Variants in GALNTL6 observed in about 807,000 individuals in gnomAD.
GALNTL6 encodes polypeptide N-acetylgalactosaminyltransferase like 6, also known as polypeptide N-acetylgalactosaminyltransferase-like 6.
GALNTL6 carries 46 observed loss-of-function variants against 73.7 expected under a neutral mutation model. That is an observed-to-expected ratio of 0.62 (90% CI 0.49 to 0.80). The LOEUF (loss-of-function observed/expected upper bound fraction) is 0.80, where lower values mean the gene tolerates loss of function less well. Ranked by LOEUF, GALNTL6 falls within the 30% of genes least tolerant of loss-of-function variation. GALNTL6 has a pLI of 0.00. For synonymous variants in GALNTL6, 259 were observed against 263.7 expected (o/e 0.98, Z 0.17); for missense variants, 604 against 755.0 (o/e 0.80, Z 2.34).
At position 172,734,819 on chromosome 4, in the gene GALNTL6, C is replaced by T. The variant is rs574845272; in HGVS notation, c.554-74542C>T. Among the ~76,000 whole-genome samples the T allele has an allele frequency of 2.5e-4, 38 of 152,288 alleles. 1 individual carries two copies. Among genetic ancestry groups the T allele is most frequent in the African/African-American group, 8.2e-4 (34 of 41,560 alleles). ...AGGACTTGGTGCCCTGCATCCCAGC[C>T]GCTCCAGCCATGGCTAAAACGGGCC... On this transcript the variant is annotated intron_variant, in intron 5 of 12. Transcript: ENST00000506823.
At chr4:172,577,147 C>T (rs1369292452) in intron 5 of GALNTL6, among the ~76,000 whole-genome samples, 1 of 152,136 alleles carries the variant, frequency 6.6e-6, no homozygotes, top group African/African-American at 2.4e-5. Flanking sequence ...AATGCATTCT[C>T]CTGGGTGACC....
chr4:172,407,298 C>T (rs911305964), intron 5 of GALNTL6, among the ~76,000 whole-genome samples: 1 of 151,912 alleles, frequency 6.6e-6, no homozygotes, highest in Non-Finnish European at 1.5e-5. Flanking sequence ...TGGCAGTAGG[C>T]CAATGATTAA....
intron 7 of GALNTL6, among the ~76,000 whole-genome samples, chr4:172,846,283 A>G (rs1380893010): frequency 1.3e-5 from 2 of 152,238 alleles, no homozygotes; most frequent in Non-Finnish European, 2.9e-5. Context: ...TAGGAGGAAC[A>G]TGAACCTTAG....
At chr4:171,963,160 T>C (rs928979935) in intron 2 of GALNTL6, among the ~76,000 whole-genome samples, 6 of 151,850 alleles carry the variant, frequency 4.0e-5, no homozygotes, top group African/African-American at 1.5e-4. Flanking sequence ...TATAGGATCA[T>C]AGTATAGTAA....
At chr4:171,991,146 T>A (rs1336600194) in intron 2 of GALNTL6, among the ~76,000 whole-genome samples, 1 of 152,048 alleles carries the variant, frequency 6.6e-6, no homozygotes, top group Non-Finnish European at 1.5e-5. Flanking sequence ...GATACGTAAT[T>A]AAAAGAAACA....
intron 5 of GALNTL6, among the ~76,000 whole-genome samples, chr4:172,672,685 C>T (rs890646614): frequency 2.0e-5 from 3 of 151,992 alleles, no homozygotes; most frequent in Non-Finnish European, 4.4e-5. Flanking sequence ...TTGTTTATTA[C>T]TGACTCAATT....
intron 5 of GALNTL6, among the ~76,000 whole-genome samples, chr4:172,784,224 T>A (rs979749784): frequency 5.9e-5 from 9 of 152,236 alleles, no homozygotes; most frequent in African/African-American, 1.2e-4. Flanking sequence ...AGATTTTTTT[T>A]AAATTAAAAC....
chr4:172,183,962 T>C (rs1735339385), intron 2 of GALNTL6, among the ~76,000 whole-genome samples: 1 of 151,928 alleles, frequency 6.6e-6, no homozygotes, highest in Admixed American at 6.6e-5. Context: ...CCGGCTAATT[T>C]TTGTATTTTT....
chr4:172,897,097 A>G (rs942880231), intron 8 of GALNTL6, among the ~76,000 whole-genome samples: 3 of 152,248 alleles, frequency 2.0e-5, no homozygotes, highest in African/African-American at 7.2e-5. Flanking sequence ...GTCTCAGCAC[A>G]TACAGGATAG....
chr4:172,328,229 T>C (rs1741009684), intron 4 of GALNTL6, among the ~76,000 whole-genome samples: 1 of 152,178 alleles, frequency 6.6e-6, no homozygotes, highest in Admixed American at 6.5e-5. Flanking sequence ...AATCTCTTCT[T>C]TCTTGTAGAG....
chr4:172,017,792 C>T (rs547954147), intron 2 of GALNTL6, among the ~76,000 whole-genome samples: 2 of 152,070 alleles, frequency 1.3e-5, no homozygotes, highest in African/African-American at 2.4e-5. Flanking sequence ...GATCTAGCCA[C>T]GCATTGGGGC....
At chr4:172,801,946 A>T (rs890589080) in intron 5 of GALNTL6, among the ~76,000 whole-genome samples, 4 of 152,090 alleles carry the variant, frequency 2.6e-5, no homozygotes, top group Non-Finnish European at 5.9e-5. Flanking sequence ...TCCATTTAAT[A>T]AACAGCAAAT....
intron 5 of GALNTL6, among the ~76,000 whole-genome samples, chr4:172,529,866 T>TATTTA (rs1281448781): frequency 5.0e-5 from 5 of 100,072 alleles, no homozygotes; most frequent in African/African-American, 1.5e-4. Context: ...ATTTTTATTT[T>TATTTA]ATTTATTTAT....
rs558507322 is a variant in GALNTL6, at chr4:172,012,848, C to T, written c.138+198130C>T. Among the ~76,000 whole-genome samples the T allele has an allele frequency of 8.0e-4, 122 of 151,930 alleles. 5 individuals carry two copies. The highest frequency in any genetic ancestry group is 1.3e-4 in the Admixed American group (2 of 15,220). On this transcript the variant is annotated intron_variant, in intron 2 of 12. Coordinates refer to ENST00000506823, the MANE Select transcript of GALNTL6 (RefSeq NM_001034845.3). ...ATCCACAAATTTTAAGTGTACAATG[C>T]GATAGTTTTGACAGTTGCATTCATT...
chr4:172,348,659 A>G lies in GALNTL6; in HGVS notation c.523A>G (p.Ile175Val). The G allele has an allele frequency of 6.2e-7, 1 of 1,611,590 alleles. No homozygotes were observed. Among genetic ancestry groups the G allele is most frequent in the African/African-American group, 1.3e-5 (1 of 74,984 alleles). The change falls in exon 5 of 13, where the codon ATC (isoleucine) becomes GTC (valine). Residue 175 changes from isoleucine (I) to valine (V), a missense_variant. Transcript: ENST00000506823. ...AACCCCAGGGAGTCTGATAGCAGAA[A>G]TCATTCTAGTAGATGACTTCAGTGA... ...NRTPGSLIAE[I>V]ILVDDFSERE...
intron 5 of GALNTL6, among the ~76,000 whole-genome samples, chr4:172,458,327 A>G (rs1732479056): frequency 6.6e-6 from 1 of 151,588 alleles, no homozygotes; most frequent in African/African-American, 2.4e-5. Context: ...AAACAAGAGC[A>G]AACAAATTCA....
At chr4:172,512,189 C>T (rs1402596414) in intron 5 of GALNTL6, among the ~76,000 whole-genome samples, 1 of 54,882 alleles carries the variant, frequency 1.8e-5, no homozygotes, top group Non-Finnish European at 4.2e-5. Flanking sequence ...CATTATATAA[C>T]GTCATCCTTT....
intron 2 of GALNTL6, among the ~76,000 whole-genome samples, chr4:172,152,154 T>TTGTA (rs1213443812): frequency 2.6e-5 from 4 of 151,982 alleles, no homozygotes; most frequent in Non-Finnish European, 4.4e-5. Context: ...ATTTTTGTAT[T>TTGTA]TTTAGTAGAG....
At chr4:172,233,334 T>G (rs541580860) in intron 3 of GALNTL6, among the ~76,000 whole-genome samples, 2 of 148,508 alleles carry the variant, frequency 1.3e-5, no homozygotes, top group Admixed American at 1.4e-4. Flanking sequence ...CAGCCTGGGC[T>G]GGAGACTCTG....
Sources: gnomAD v4.1 joint callset for allele counts (sites outside exome capture counted in the v4.1 genomes callset) on GRCh38, gnomAD v4.1.1 for gene constraint, MANE v1.5 for transcripts, NCBI Gene and HGNC (gene_info 2026-07-23, HGNC 2026-07-21) for gene names.